Variants in PFKFB2 observed in about 807,000 individuals in gnomAD.
PFKFB2 encodes the protein 6-phosphofructo-2-kinase/fructose-2,6-biphosphatase 2, also known as 6-phosphofructo-2-kinase/fructose-2,6-bisphosphatase 2.
In PFKFB2, 53 loss-of-function variants were observed where a neutral mutation model predicts 68.0. That is an observed-to-expected ratio of 0.78 (90% CI 0.63 to 0.98). PFKFB2 has a LOEUF of 0.98. Among genes scored for constraint, PFKFB2 ranks in the 50% least tolerant of loss-of-function variants. The probability of loss-of-function intolerance (pLI) is 0.00; values close to 1 mark genes in which losing one functional copy is unlikely to be tolerated. For synonymous variants in PFKFB2, 222 were observed against 227.6 expected, an observed-to-expected ratio of 0.98 and a Z score of 0.22; for missense variants, 451 against 642.0, an observed-to-expected ratio of 0.70 and a Z score of 3.22.
chr1:207,043,794 G>A (rs141882001), intron 2 of PFKFB2: 34 of 152,720 alleles, frequency 2.2e-4, no homozygotes, highest in African/African-American at 7.7e-4. Flanking sequence ...TGTATATTGA[G>A]TAAAATAGCC....
intron 2 of PFKFB2, chr1:207,042,218 A>G (rs965469382): frequency 3.3e-5 from 5 of 152,048 alleles, no homozygotes; most frequent in African/African-American, 1.2e-4. Context: ...TACAGGTAAA[A>G]CCCACATCCA....
rs542543450 is a variant in PFKFB2, at chr1:207,069,464, G to A, written c.1028G>A (p.Arg343Gln). The A allele has an allele frequency of 9.3e-6, 15 of 1,613,990 alleles. No homozygotes were observed. Among genetic ancestry groups the A allele is most frequent in the East Asian group, 8.9e-5 (4 of 44,882 alleles). Residue 343 changes from arginine to glutamine, a missense_variant, in exon 11 of 15, where the codon CGG becomes CAG. Physicochemically the swap from Arg to Gln is conservative, Grantham distance 43. Coordinates refer to ENST00000367080, the MANE Select transcript of PFKFB2 (RefSeq NM_006212.2). ...EEMTYAEIEK[R>Q]YPEEFALRDQ... ...ATGACCTATGCAGAGATTGAGAAAC[G>A]GTACCCAGAAGAGTTTGCACTTCGA...
intron 7 of PFKFB2, 144 bp from the exon 8 acceptor site, chr1:207,064,892 G>T: frequency 1.1e-6 from 1 of 902,020 alleles, no homozygotes; most frequent in Non-Finnish European, 1.6e-6. Context: ...CGGGGCGGGG[G>T]GTACTCAATG....
At position 207,077,197 on chromosome 1, in the gene PFKFB2, T is replaced by C. The variant is rs928457791; in HGVS notation, c.*4826T>C. On this transcript the variant is annotated 3_prime_UTR_variant, in exon 15 of 15. Coordinates refer to ENST00000367080, the MANE Select transcript of PFKFB2 (RefSeq NM_006212.2). ...CAGTTCCACTGTTCATTTCTGAAGC[T>C]TCTGTGTCCCCAGCTTACCCTGTTC... The C allele has an allele frequency of 2.0e-6, 2 of 985,426 alleles. No individual in the cohort carries two copies. Among genetic ancestry groups the C allele is most frequent in the Non-Finnish European group, 2.4e-6 (2 of 829,920 alleles). 61.0% of individuals were successfully genotyped at this position (985,426 alleles called of 1,614,324 possible). A position where few individuals can be genotyped will look rare whatever the true frequency, so the allele number is the denominator to read the frequency against.
intron 1 of PFKFB2, among the ~76,000 whole-genome samples, chr1:207,040,950 C>T (rs1682464762): frequency 9.2e-6 from 1 of 108,900 alleles, no homozygotes; most frequent in South Asian, 2.8e-4. Context: ...TTTTTTGAGA[C>T]AAGAGTCTCG....
At position 207,073,055 on chromosome 1, in the gene PFKFB2, G is replaced by C; in HGVS notation, c.*684G>C. 3.0e-6 allele frequency: 3 copies of C among 985,476 alleles called. No homozygotes were observed. Among genetic ancestry groups the C allele is most frequent in the Non-Finnish European group, 3.6e-6 (3 of 829,990 alleles). 61.0% of individuals were successfully genotyped at this position (985,476 alleles called of 1,614,324 possible). ...CTCCAGCCAGGTCCTGTAAGGGCCAGCCCAGACTACAGGACATCCACAGAA... is the reference window on the plus strand; with the variant it reads ...CTCCAGCCAGGTCCTGTAAGGGCCACCCCAGACTACAGGACATCCACAGAA... On this transcript the variant is annotated 3_prime_UTR_variant, in exon 15 of 15. Coordinates refer to ENST00000367080, the MANE Select transcript of PFKFB2 (RefSeq NM_006212.2).
chr1:207,063,504 G>A lies in PFKFB2; in HGVS notation c.450+83G>A, dbSNP rs1683179706. The A allele has an allele frequency of 3.2e-6, 3 of 925,776 alleles. No homozygotes were observed. Among genetic ancestry groups the A allele is most frequent in the Non-Finnish European group, 5.3e-6 (3 of 569,882 alleles). 57.3% of individuals were successfully genotyped at this position (925,776 alleles called of 1,614,324 possible). A position where few individuals can be genotyped will look rare whatever the true frequency, so the allele number is the denominator to read the frequency against. ...ACAGGCATGGATCTCTCACTCTAGT[G>A]GGTGAGGACAGGATGGGATATCTGA... On this transcript the variant is annotated intron_variant, in intron 6 of 14. Coordinates refer to ENST00000367080, the MANE Select transcript of PFKFB2 (RefSeq NM_006212.2). The surrounding 1 kb of genome is among the most constrained non-coding windows in gnomAD (Gnocchi z 4.1).
At chr1:207,061,838 C>A (rs779436796) in intron 2 of PFKFB2, 115 bp from the exon 3 acceptor site, 3 of 872,562 alleles carry the variant, frequency 3.4e-6, no homozygotes, top group East Asian at 2.5e-5. Flanking sequence ...GCTGAGATCA[C>A]GCCACTGTAC....
At chr1:207,053,806 G>A (rs904253174) in intron 1 of PFKFB2, among the ~76,000 whole-genome samples, 2 of 151,998 alleles carry the variant, frequency 1.3e-5, no homozygotes, top group Admixed American at 1.3e-4. Flanking sequence ...TGCTAGGGCT[G>A]TCTTGGGGTC....
At chr1:207,071,337 T>C in intron 13 of PFKFB2, 87 bp downstream of exon 13, 1 of 1,209,212 alleles carries the variant, frequency 8.3e-7, no homozygotes, top group Non-Finnish European at 1.2e-6. Flanking sequence ...TCAGCTTCAT[T>C]ATCCCTATAT....
chr1:207,035,077 G>A (rs1295866793), intron 1 of PFKFB2: 1 of 765,062 alleles, frequency 1.3e-6, no homozygotes, highest in Non-Finnish European at 1.6e-6. Flanking sequence ...CATCATTTGA[G>A]GGGGTATGTG....
intron 2 of PFKFB2, chr1:207,055,009 G>T: frequency 2.0e-6 from 1 of 506,512 alleles, no homozygotes; most frequent in Non-Finnish European, 3.6e-6. Flanking sequence ...TACTGGTGTA[G>T]TCCAGCAGTT....
At chr1:207,055,641 T>TTTTATATATA (rs1491305182) in intron 2 of PFKFB2, among the ~76,000 whole-genome samples, 2 of 147,586 alleles carry the variant, frequency 1.4e-5, no homozygotes, top group African/African-American at 5.0e-5. Flanking sequence ...ACTTCAGTGG[T>TTTTATATATA]TATATATATA....
chr1:207,054,899 A>C (rs1682875994), intron 2 of PFKFB2, 97 bp downstream of exon 2: 1 of 816,324 alleles, frequency 1.2e-6, no homozygotes, highest in Non-Finnish European at 2.0e-6. Flanking sequence ...GGGAGTGATA[A>C]ATAATTATTT....
chr1:207,049,744 C>A (rs1185706062), upstream of PFKFB2: 10 of 1,585,984 alleles, frequency 6.3e-6, no homozygotes, highest in Non-Finnish European at 8.6e-6. Flanking sequence ...TAAAACAAAT[C>A]CCGATCTGCA....
intron 2 of PFKFB2, among the ~76,000 whole-genome samples, chr1:207,058,835 G>T (rs1683004204): frequency 6.6e-6 from 1 of 152,144 alleles, no homozygotes. Flanking sequence ...AAAGGAAAAT[G>T]AGTTTAAGTT....
In PFKFB2 at chr1:207,074,113, T is replaced by C; in HGVS notation, c.*1742T>C. 1.1e-6 allele frequency: 1 copy of C among 903,576 alleles called. No individual in the cohort carries two copies. The highest frequency in any genetic ancestry group is 1.3e-6 in the Non-Finnish European group (1 of 762,228). 56.0% of individuals were successfully genotyped at this position (903,576 alleles called of 1,614,324 possible). On this transcript the variant is annotated 3_prime_UTR_variant, in exon 15 of 15. Transcript: ENST00000367080. ...AATCTCTGGGATCTGGGTCTGGACA[T>C]GCATGTATTTAAGTAGCTTCCCGGA...
At chr1:207,064,487 C>T (rs1265653459) in intron 7 of PFKFB2, among the ~76,000 whole-genome samples, 1 of 152,126 alleles carries the variant, frequency 6.6e-6, no homozygotes, top group African/African-American at 2.4e-5. Flanking sequence ...CAGCAATTGT[C>T]CAAAGTTCTC....
chr1:207,073,761 C>A lies in PFKFB2; in HGVS notation c.*1390C>A. 3 of 984,528 alleles carry A rather than the reference C, an allele frequency of 3.0e-6. No homozygotes were observed. Among genetic ancestry groups the A allele is most frequent in the Non-Finnish European group, 3.6e-6 (3 of 829,106 alleles). The allele number at this position is 984,528 out of a possible 1,614,324, so 61.0% of individuals were successfully genotyped here. ...ACAGAAAATGTTTAGGGAAGAAATT[C>A]TTAGCCCCTTGATGACCATGATGGC... On this transcript the variant is annotated 3_prime_UTR_variant, in exon 15 of 15. Transcript: ENST00000367080.
Sources: gnomAD v4.1 joint callset for allele counts (sites outside exome capture counted in the v4.1 genomes callset) on GRCh38, gnomAD v4.1.1 for gene constraint, Gnocchi (gnomAD v3.1) non-coding constraint, MANE v1.5 for transcripts, NCBI Gene and HGNC (gene_info 2026-07-23, HGNC 2026-07-21) for gene names.